Variants in SGCD observed in about 807,000 individuals in gnomAD.
SGCD encodes the protein delta-sarcoglycan.
Under a neutral mutation model 36.6 loss-of-function variants are expected in SGCD, and 18 were observed. The ratio of observed to expected loss-of-function variants is 0.49; its 90% CI spans 0.34 to 0.73. The LOEUF (loss-of-function observed/expected upper bound fraction) is 0.73, where lower values mean the gene tolerates loss of function less well. Ranked by LOEUF, SGCD falls within the 30% of genes least tolerant of loss-of-function variation. The pLI is 0.01. For missense variants in SGCD, 387 were observed against 346.7 expected (o/e 1.12, Z -0.92); for synonymous variants, 133 against 130.6 (o/e 1.02, Z -0.12).
intron 2 of SGCD, 43 bp downstream of exon 2, chr5:156,329,622 A>T (rs913116847): frequency 5.7e-6 from 9 of 1,586,800 alleles, no homozygotes; most frequent in Non-Finnish European, 7.8e-6. Flanking sequence ...GGCCCTGCTC[A>T]TGGTCATTTT....
chr5:155,899,956 T>C (rs1756350869), intron 1 of SGCD, among the ~76,000 whole-genome samples: 1 of 152,314 alleles, frequency 6.6e-6, no homozygotes, highest in Non-Finnish European at 1.5e-5. Context: ...CTATTCATAC[T>C]TGAATGATGA....
At chr5:156,591,055 C>CACACACAT (rs1464983261) in intron 5 of SGCD, among the ~76,000 whole-genome samples, 3 of 152,144 alleles carry the variant, frequency 2.0e-5, no homozygotes, top group Admixed American at 2.0e-4. Flanking sequence ...AACACACACA[C>CACACACAT]ACACATACAC....
rs1016744916 is a variant in SGCD at position 156,078,576 on chromosome 5, T to C, written c.-281-39302T>C. On this transcript the variant is annotated intron_variant, in intron 1 of 9. Transcript: ENST00000517913. ...ATATTTATATTTATATATATATTTATATTTATATATATTTATATTTATATA... is the reference window on the plus strand; with the variant it reads ...ATATTTATATTTATATATATATTTACATTTATATATATTTATATTTATATA... Among the ~76,000 whole-genome samples the C allele has an allele frequency of 8.4e-4, 79 of 94,056 alleles. No homozygotes were observed. In the African/African-American group the frequency reaches 8.4e-3, roughly 10 times the overall value. The allele number at this position is 94,056 out of a possible 152,430, so 61.7% of individuals were successfully genotyped here.
intron 4 of SGCD, among the ~76,000 whole-genome samples, chr5:156,568,584 C>T (rs1031979472): frequency 6.6e-6 from 1 of 152,152 alleles, no homozygotes; most frequent in Non-Finnish European, 1.5e-5. Flanking sequence ...CTCAGAGTGG[C>T]TACAACAGAA....
At chr5:156,427,107 C>T (rs917547563) in intron 3 of SGCD, among the ~76,000 whole-genome samples, 1 of 151,934 alleles carries the variant, frequency 6.6e-6, no homozygotes, top group Non-Finnish European at 1.5e-5. Flanking sequence ...GATGGAAATT[C>T]CATTGAATCA....
intron 1 of SGCD, among the ~76,000 whole-genome samples, chr5:156,080,542 C>CT (rs1760923241): frequency 6.6e-6 from 1 of 152,218 alleles, no homozygotes; most frequent in Admixed American, 6.5e-5. Context: ...GCTCCCACAT[C>CT]TGAGCATAAG....
the SGCD span, among the ~76,000 whole-genome samples, chr5:155,829,748 T>G: frequency 6.6e-6 from 1 of 152,194 alleles, no homozygotes; most frequent in Non-Finnish European, 1.5e-5. Context: ...TTAAACATTC[T>G]TGGTTTGGAA....
Position 156,762,270 on chromosome 5 carries a change from G to C in SGCD, c.*2880G>C, listed in dbSNP as rs561607858. On this transcript the variant is annotated 3_prime_UTR_variant, in exon 9 of 9. Transcript: ENST00000337851. ...ATCCAAATGAACCTTCAATATACTA[G>C]AAGTTCTAGTAGGTTAATATTGTTC... 50 of 152,640 alleles carry C rather than the reference G, an allele frequency of 3.3e-4. No individual in the cohort carries two copies. Among genetic ancestry groups the C allele is most frequent in the African/African-American group, 1.2e-3 (50 of 41,520 alleles). The allele number at this position is 152,640 out of a possible 1,614,324, so 9.5% of individuals were successfully genotyped here.
At chr5:156,009,616 A>G (rs1758819015) in intron 1 of SGCD, among the ~76,000 whole-genome samples, 1 of 152,238 alleles carries the variant, frequency 6.6e-6, no homozygotes, top group Admixed American at 6.5e-5. Context: ...TACATAAAAC[A>G]TATTTGAATA....
chr5:156,394,489 T>TA (rs1481915313), intron 3 of SGCD, among the ~76,000 whole-genome samples: 28 of 152,320 alleles, frequency 1.8e-4, no homozygotes, highest in African/African-American at 6.5e-4. Flanking sequence ...TAGTGACCAT[T>TA]ACTTATCCAC....
chr5:156,258,867 T>A (rs1225833922), intron 3 of SGCD, among the ~76,000 whole-genome samples: 1 of 152,090 alleles, frequency 6.6e-6, no homozygotes, highest in Non-Finnish European at 1.5e-5. Flanking sequence ...ATAATTACCA[T>A]ATAAACAAAA....
intron 7 of SGCD, among the ~76,000 whole-genome samples, chr5:156,734,857 C>A (rs1255485508): frequency 2.6e-5 from 4 of 152,160 alleles, no homozygotes; most frequent in Admixed American, 2.0e-4. Flanking sequence ...ATTCTGAATT[C>A]TACTTCTGTC....
intron 3 of SGCD, among the ~76,000 whole-genome samples, chr5:156,488,109 T>TTTTG (rs1369704933): frequency 1.4e-5 from 2 of 139,178 alleles, no homozygotes; most frequent in African/African-American, 5.7e-5. Context: ...TTTTTTTTTT[T>TTTTG]TTTTTTTTTT....
chr5:156,151,308 G>C (rs762837872), intron 3 of SGCD, among the ~76,000 whole-genome samples: 1 of 151,594 alleles, frequency 6.6e-6, no homozygotes, highest in Non-Finnish European at 1.5e-5. Flanking sequence ...TTTCTTTTTG[G>C]ATGTGTGGCA....
At chr5:155,817,092 T>C in the SGCD span, among the ~76,000 whole-genome samples, 1 of 152,346 alleles carries the variant, frequency 6.6e-6, no homozygotes, top group South Asian at 2.1e-4. Flanking sequence ...TACCTTTCTA[T>C]ATAGTTACAA....
At chr5:156,688,128 G>A (rs1210105533) in intron 7 of SGCD, among the ~76,000 whole-genome samples, 2 of 151,984 alleles carry the variant, frequency 1.3e-5, no homozygotes, top group African/African-American at 2.4e-5. Context: ...CTCGTGTCGC[G>A]GGGGTTTGTT....
intron 4 of SGCD, among the ~76,000 whole-genome samples, chr5:156,585,447 A>C (rs1454458129): frequency 6.6e-6 from 1 of 152,190 alleles, no homozygotes; most frequent in Non-Finnish European, 1.5e-5. Flanking sequence ...TTTAATGACA[A>C]ATCTCACTTT....
Position 156,671,385 on chromosome 5 carries a change from GC to G in SGCD, c.575+23851del, listed in dbSNP as rs1336314988. Among the ~76,000 whole-genome samples, 17 of 150,300 alleles carry G rather than the reference GC, an allele frequency of 1.1e-4. No individual in the cohort carries two copies. The East Asian group carries it at 3.0e-3, about 26-fold the overall frequency. ...CCTCCTGGGTTCAAGTGATTCTCCC[GC>G]CTCAGCCTCCTGAGTAGCTGTGATT... is the stretch of plus-strand genomic sequence containing the variant. On this transcript the variant is annotated intron_variant, in intron 7 of 8. Coordinates refer to ENST00000337851, the MANE Select transcript of SGCD (RefSeq NM_000337.6).
intron 3 of SGCD, among the ~76,000 whole-genome samples, chr5:156,211,283 C>G (rs1764434656): frequency 6.6e-6 from 1 of 151,996 alleles, no homozygotes; most frequent in Non-Finnish European, 1.5e-5. Flanking sequence ...ATGAACAGAC[C>G]AGTCTTAGAA....
Sources: allele counts gnomAD v4.1 joint callset (sites outside exome capture counted in the v4.1 genomes callset), GRCh38; gene constraint gnomAD v4.1.1; transcripts MANE v1.5; gene names NCBI Gene and HGNC (gene_info 2026-07-23, HGNC 2026-07-21).